The following CAMKMT variants were observed in gnomAD, a reference collection of about 807,000 sequenced individuals.
CAMKMT encodes the protein calmodulin-lysine N-methyltransferase, also known as CaM KMT.
CAMKMT carries 53 observed loss-of-function variants against 48.0 expected under a neutral mutation model. The ratio of observed to expected loss-of-function variants is 1.10; its 90% confidence interval spans 0.89 to 1.39. The LOEUF is 1.39. CAMKMT is among the 40% of genes most tolerant of loss of function. The pLI is 0.00. For synonymous variants in CAMKMT, 165 were observed against 152.3 expected, an observed-to-expected ratio of 1.08 and a Z score of -0.61; for missense variants, 428 against 402.7, an observed-to-expected ratio of 1.06 and a Z score of -0.54.
Position 44,361,993 on chromosome 2 carries a change from G to T in CAMKMT, c.-15G>T, listed in dbSNP as rs560634865. The T allele has an allele frequency of 5.8e-6, 8 of 1,382,210 alleles. No homozygotes were observed. The highest frequency in any genetic ancestry group is 5.6e-6 in the Non-Finnish European group (6 of 1,072,054). 85.6% of individuals were successfully genotyped at this position (1,382,210 alleles called of 1,614,324 possible). A position where few individuals can be genotyped will look rare whatever the true frequency, so the allele number is the denominator to read the frequency against. Reference sequence around the variant, plus strand: ...TGCGGCGGTGGCACCTCCGGGTGTGGAAGGCTCCAGTGAGATGGAGTCGCG... The same window carrying T: ...TGCGGCGGTGGCACCTCCGGGTGTGTAAGGCTCCAGTGAGATGGAGTCGCG... On this transcript the variant is annotated 5_prime_UTR_variant, in exon 1 of 11. Transcript: ENST00000378494.
chr2:44,390,151 C>G (rs561686900), intron 2 of CAMKMT, 90 bp from the exon 3 acceptor site: 4 of 885,126 alleles, frequency 4.5e-6, no homozygotes, highest in Non-Finnish European at 7.2e-6. Context: ...TTGGGTATAC[C>G]ATAATATACA....
chr2:44,465,204 T>C (rs1414726387), intron 3 of CAMKMT, among the ~76,000 whole-genome samples: 1 of 152,308 alleles, frequency 6.6e-6, no homozygotes, highest in East Asian at 1.9e-4. Context: ...GAGATCATTA[T>C]AACTATGTTT....
At chr2:44,677,170 G>A (rs1336567505) in intron 3 of CAMKMT, among the ~76,000 whole-genome samples, 3 of 152,080 alleles carry the variant, frequency 2.0e-5, no homozygotes, top group African/African-American at 7.2e-5. Context: ...TTTTTTAAAG[G>A]ACTGCTATAA....
intron 3 of CAMKMT, among the ~76,000 whole-genome samples, chr2:44,406,686 T>G (rs1473416436): frequency 6.6e-6 from 1 of 152,186 alleles, no homozygotes; most frequent in Non-Finnish European, 1.5e-5. Context: ...ATCCGCAACT[T>G]CCTGGACCCA....
intron 9 of CAMKMT, among the ~76,000 whole-genome samples, chr2:44,758,908 C>T (rs534972280): frequency 6.6e-6 from 1 of 152,296 alleles, no homozygotes; most frequent in African/African-American, 2.4e-5. Flanking sequence ...GCCAAGCCAA[C>T]CAGACAGCAT....
intron 3 of CAMKMT, among the ~76,000 whole-genome samples, chr2:44,609,498 T>C (rs1326974932): frequency 1.3e-5 from 2 of 152,136 alleles, no homozygotes; most frequent in Non-Finnish European, 2.9e-5. Context: ...CAATAAAAAA[T>C]TTAGTTTATT....
intron 3 of CAMKMT, among the ~76,000 whole-genome samples, chr2:44,524,535 T>C (rs1671300994): frequency 6.6e-6 from 1 of 152,096 alleles, no homozygotes; most frequent in Non-Finnish European, 1.5e-5. Context: ...TTTTTTTTCT[T>C]CCTCCTCTTC....
At chr2:44,582,659 T>G (rs1176044730) in intron 3 of CAMKMT, among the ~76,000 whole-genome samples, 1 of 152,226 alleles carries the variant, frequency 6.6e-6, no homozygotes, top group Admixed American at 6.5e-5. Flanking sequence ...AACTACTTTA[T>G]GTTCTTACTT....
At chr2:44,620,805 T>G (rs1672142380) in intron 3 of CAMKMT, among the ~76,000 whole-genome samples, 1 of 152,256 alleles carries the variant, frequency 6.6e-6, no homozygotes, top group Non-Finnish European at 1.5e-5. Flanking sequence ...AGTGCCAGAT[T>G]GCCTGTTTAG....
At chr2:44,410,145 A>G (rs920483299) in intron 3 of CAMKMT, among the ~76,000 whole-genome samples, 6 of 143,212 alleles carry the variant, frequency 4.2e-5, no homozygotes, top group African/African-American at 1.1e-4. Context: ...CTTACCATGT[A>G]CTACCAAAGA....
At chr2:44,442,370 C>G (rs1356922856) in intron 3 of CAMKMT, among the ~76,000 whole-genome samples, 1 of 152,090 alleles carries the variant, frequency 6.6e-6, no homozygotes, top group Non-Finnish European at 1.5e-5. Context: ...ATATATCTCT[C>G]TATACATACA....
At chr2:44,608,882 A>G (rs375946121) in intron 3 of CAMKMT, among the ~76,000 whole-genome samples, 12 of 152,272 alleles carry the variant, frequency 7.9e-5, no homozygotes, top group African/African-American at 2.9e-4. Context: ...GGTGCCTCTA[A>G]GCTGTTAGTT....
intron 3 of CAMKMT, among the ~76,000 whole-genome samples, chr2:44,677,830 G>A (rs938534048): frequency 6.7e-6 from 1 of 150,026 alleles, no homozygotes; most frequent in Admixed American, 6.6e-5. Flanking sequence ...TGCTCTTGGG[G>A]TGTGTGTGTG....
intron 3 of CAMKMT, among the ~76,000 whole-genome samples, chr2:44,516,330 C>T (rs552274418): frequency 6.6e-6 from 1 of 152,148 alleles, no homozygotes; most frequent in African/African-American, 2.4e-5. Flanking sequence ...TTTTAGCATG[C>T]ATTTTCTAGT....
chr2:44,549,542 C>CT (rs1303094829), intron 3 of CAMKMT: 3 of 691,866 alleles, frequency 4.3e-6, no homozygotes, highest in Admixed American at 4.1e-5. Flanking sequence ...AATTTTTTTT[C>CT]TTTTTTTCTT....
chr2:44,647,207 A>C (rs1034362456), intron 3 of CAMKMT, among the ~76,000 whole-genome samples: 2 of 152,178 alleles, frequency 1.3e-5, no homozygotes, highest in Non-Finnish European at 2.9e-5. Flanking sequence ...GTCAACTACA[A>C]TAACTCCATT....
intron 3 of CAMKMT, among the ~76,000 whole-genome samples, chr2:44,565,974 G>A (rs1323391881): frequency 1.3e-5 from 2 of 152,186 alleles, no homozygotes; most frequent in Non-Finnish European, 2.9e-5. Flanking sequence ...GCATGTGTAC[G>A]TGGCTTGTAA....
intron 2 of CAMKMT, among the ~76,000 whole-genome samples, chr2:44,388,836 A>T (rs1185605381): frequency 6.6e-6 from 1 of 152,172 alleles, no homozygotes; most frequent in South Asian, 2.1e-4. Flanking sequence ...TTGTCTGCAC[A>T]GAGTCCTGTG....
intron 3 of CAMKMT, among the ~76,000 whole-genome samples, chr2:44,667,241 A>C (rs772755134): frequency 7.2e-5 from 11 of 152,060 alleles, no homozygotes; most frequent in Non-Finnish European, 1.5e-4. Context: ...AAATGGATTG[A>C]TTTCCTATCT....
Sources: gnomAD v4.1 joint callset for allele counts (sites outside exome capture counted in the v4.1 genomes callset) on GRCh38, gnomAD v4.1.1 for gene constraint, MANE v1.5 for transcripts, NCBI Gene and HGNC (gene_info 2026-07-23, HGNC 2026-07-21) for gene names.